Variants in RTL4 observed in about 807,000 individuals in gnomAD.
RTL4 encodes the protein retrotransposon Gag-like protein 4.
Under a neutral mutation model 5.3 loss-of-function variants are expected in RTL4, and 4 were observed. That is an observed-to-expected ratio of 0.75 (90% CI 0.37 to 1.72). The LOEUF is 1.72. RTL4 is among the 40% of genes most tolerant of loss of function. The probability of loss-of-function intolerance (pLI) is 0.04; values close to 1 mark genes in which losing one functional copy is unlikely to be tolerated. For missense variants in RTL4, 260 were observed against 227.1 expected (o/e 1.14, Z -0.93); for synonymous variants, 98 against 87.3 (o/e 1.12, Z -0.68).
chrX:112,452,943 A>G (rs908002519), upstream of RTL4, among the ~76,000 whole-genome samples: 11 of 110,229 alleles, frequency 1.0e-4, no homozygotes, highest in African/African-American at 3.6e-4. Context: ...GAGGCAGGAG[A>G]ATCGCTTGAA....
At chrX:112,310,622 A>G in the RTL4 span, among the ~76,000 whole-genome samples, 99 of 54,184 alleles carry the variant, frequency 1.8e-3, 1 homozygote, top group Admixed American at 2.9e-3. Context: ...ATATTTATAT[A>G]TATTATGTTT....
the RTL4 span, among the ~76,000 whole-genome samples, chrX:112,173,168 G>GA: frequency 2.2e-4 from 23 of 105,071 alleles, no homozygotes; most frequent in East Asian, 8.8e-4. Flanking sequence ...AAAAGTTGAT[G>GA]AAAAAAAAAC....
the RTL4 span, among the ~76,000 whole-genome samples, chrX:112,400,476 T>C: frequency 8.9e-6 from 1 of 112,069 alleles, no homozygotes; most frequent in African/African-American, 3.2e-5. Context: ...CAGTTAACTT[T>C]AAATGTCACT....
the RTL4 span, among the ~76,000 whole-genome samples, chrX:112,397,067 A>T: frequency 8.9e-6 from 1 of 111,904 alleles, no homozygotes; most frequent in East Asian, 2.8e-4. Context: ...CCCATTTTTC[A>T]TACTATTGTC....
At chrX:112,451,004 G>T (rs1028613817), upstream of RTL4, among the ~76,000 whole-genome samples, 3 of 111,006 alleles carry the variant, frequency 2.7e-5, no homozygotes, top group African/African-American at 9.8e-5. Flanking sequence ...TTTTTAGTAT[G>T]ACTATTCAGA....
At chrX:112,213,144 A>G in the RTL4 span, among the ~76,000 whole-genome samples, 1 of 112,978 alleles carries the variant, frequency 8.9e-6, no homozygotes, top group Non-Finnish European at 1.9e-5. Flanking sequence ...GCAATGGGGA[A>G]CAAATGCCTA....
At chrX:112,192,730 G>T in the RTL4 span, among the ~76,000 whole-genome samples, 1 of 111,161 alleles carries the variant, frequency 9.0e-6, no homozygotes, top group East Asian at 2.8e-4. Context: ...CATGAACAGA[G>T]ATTTATAATG....
chrX:112,293,331 C>T, the RTL4 span, among the ~76,000 whole-genome samples: 4 of 112,319 alleles, frequency 3.6e-5, no homozygotes, highest in Non-Finnish European at 7.5e-5. Flanking sequence ...ACACATATTC[C>T]TTGTCTTCTC....
chrX:112,237,886 G>A, the RTL4 span, among the ~76,000 whole-genome samples: 1 of 111,909 alleles, frequency 8.9e-6, no homozygotes, highest in African/African-American at 3.3e-5. Flanking sequence ...TGAGACATGA[G>A]GAAAGCTAAA....
the RTL4 span, among the ~76,000 whole-genome samples, chrX:112,184,351 T>TA: frequency 9.1e-6 from 1 of 110,389 alleles, no homozygotes; most frequent in Admixed American, 9.6e-5. Context: ...TAAAGTATAA[T>TA]AAAAAAAATT....
the RTL4 span, among the ~76,000 whole-genome samples, chrX:112,257,471 C>T: frequency 3.6e-5 from 4 of 111,042 alleles, no homozygotes; most frequent in African/African-American, 1.3e-4. Flanking sequence ...GTGTCTTAGT[C>T]TGTTCAGTCC....
the RTL4 span, among the ~76,000 whole-genome samples, chrX:112,317,837 GT>G: frequency 9.0e-6 from 1 of 111,529 alleles, no homozygotes; most frequent in Admixed American, 9.5e-5. Context: ...GGACTCAAAG[GT>G]CTGTCTGATT....
the RTL4 span, among the ~76,000 whole-genome samples, chrX:112,381,193 C>T: frequency 1.8e-5 from 2 of 111,239 alleles, no homozygotes; most frequent in African/African-American, 6.6e-5. Context: ...TGCTAGCGCT[C>T]ATTCCTTGGC....
chrX:112,152,167 A>G, the RTL4 span, among the ~76,000 whole-genome samples: 1 of 111,769 alleles, frequency 8.9e-6, no homozygotes, highest in Non-Finnish European at 1.9e-5. Context: ...AGTTACCCCT[A>G]ACAGCTTTGC....
chrX:112,136,572 G>A, the RTL4 span, among the ~76,000 whole-genome samples: 5 of 111,779 alleles, frequency 4.5e-5, no homozygotes, highest in Non-Finnish European at 7.5e-5. Flanking sequence ...TCCCATATTC[G>A]TGGACTGTAA....
At chrX:112,451,171 G>A (rs143033528), upstream of RTL4, among the ~76,000 whole-genome samples, 89 of 111,707 alleles carry the variant, frequency 8.0e-4, no homozygotes, top group African/African-American at 2.8e-3. Flanking sequence ...AACAGCTTGC[G>A]GACCTACAAT....
exon 1 of RTL4, chrX:112,455,068 T>C: frequency 8.3e-7 from 1 of 1,211,813 alleles, no homozygotes; most frequent in Non-Finnish European, 1.1e-6. Context: ...TGGGATCATA[T>C]CTGGGCCTGA....
the RTL4 span, among the ~76,000 whole-genome samples, chrX:112,120,657 C>A: frequency 2.0e-5 from 2 of 101,454 alleles, no homozygotes; most frequent in African/African-American, 7.6e-5. Context: ...TTCCATTTTT[C>A]TAGAAAAAAA....
the RTL4 span, among the ~76,000 whole-genome samples, chrX:112,190,029 A>G: frequency 8.9e-6 from 1 of 112,219 alleles, no homozygotes; most frequent in Admixed American, 9.4e-5. Context: ...ACATGCATGC[A>G]CAATGCTTAA....
Sources: gnomAD v4.1 joint callset for allele counts (sites outside exome capture counted in the v4.1 genomes callset) on GRCh38, gnomAD v4.1.1 for gene constraint, MANE v1.5 for transcripts, NCBI Gene and HGNC (gene_info 2026-07-23, HGNC 2026-07-21) for gene names.